Variants in JAZF1 observed in about 807,000 individuals in gnomAD.
The protein encoded by JAZF1 is juxtaposed with another zinc finger protein 1.
Under a neutral mutation model 26.4 loss-of-function variants are expected in JAZF1, and 8 were observed. The ratio of observed to expected loss-of-function variants is 0.30; its 90% confidence interval spans 0.18 to 0.55. The LOEUF (loss-of-function observed/expected upper bound fraction) is 0.55, where lower values mean the gene tolerates loss of function less well. Ranked by LOEUF, JAZF1 falls within the 20% of genes least tolerant of loss-of-function variation. JAZF1 has a pLI of 0.94. For missense variants in JAZF1, 199 were observed against 322.0 expected (o/e 0.62, Z 2.92); for synonymous variants, 126 against 122.3 (o/e 1.03, Z -0.20).
intron 1 of JAZF1, among the ~76,000 whole-genome samples, chr7:28,072,075 T>C (rs768895011): frequency 2.0e-5 from 3 of 152,234 alleles, no homozygotes; most frequent in Non-Finnish European, 2.9e-5. Flanking sequence ...GAAGAACTTC[T>C]GAGAAGACGA....
At position 27,898,973 on chromosome 7, in the gene JAZF1, CACAA is replaced by C. The variant is rs1229214573; in HGVS notation, c.189-3561_189-3558del. On this transcript the variant is annotated intron_variant, in intron 2 of 4. Transcript: ENST00000283928. ...CACACACACCCACACCACCCGCCCC[CACAA>C]ACACACACAGGAATGCCACACAAAC... Among the ~76,000 whole-genome samples, 14 of 152,272 alleles carry C rather than the reference CACAA, an allele frequency of 9.2e-5. No individual in the cohort carries two copies. In the South Asian group the frequency reaches 1.9e-3, roughly 20 times the overall value.
chr7:28,166,657 A>G (rs1390262434), intron 1 of JAZF1, among the ~76,000 whole-genome samples: 1 of 152,234 alleles, frequency 6.6e-6, no homozygotes, highest in African/African-American at 2.4e-5. Context: ...TCCGAAAGAG[A>G]AAACTATATT....
chr7:28,028,379 T>C (rs1783127684), intron 1 of JAZF1, among the ~76,000 whole-genome samples: 1 of 152,248 alleles, frequency 6.6e-6, no homozygotes, highest in Non-Finnish European at 1.5e-5. Flanking sequence ...ATGCTGTTGC[T>C]ATTTCCAAAA....
At chr7:28,003,573 C>CAATA (rs996708913) in intron 1 of JAZF1, among the ~76,000 whole-genome samples, 1 of 152,170 alleles carries the variant, frequency 6.6e-6, no homozygotes, top group Non-Finnish European at 1.5e-5. Flanking sequence ...TTCCATCACC[C>CAATA]AATACTACAT....
At chr7:27,973,551 G>A (rs1035978155) in intron 2 of JAZF1, among the ~76,000 whole-genome samples, 1 of 152,136 alleles carries the variant, frequency 6.6e-6, no homozygotes, top group Non-Finnish European at 1.5e-5. Context: ...CTCCTGCCTT[G>A]GCTTCCCAAA....
chr7:27,871,715 G>T (rs1458838247), intron 3 of JAZF1, among the ~76,000 whole-genome samples: 1 of 152,188 alleles, frequency 6.6e-6, no homozygotes, highest in Admixed American at 6.5e-5. Flanking sequence ...AAAAGTGAAG[G>T]TTTAGAAAAA....
intron 1 of JAZF1, among the ~76,000 whole-genome samples, chr7:28,132,916 G>C (rs1260273494): frequency 2.0e-5 from 3 of 152,080 alleles, no homozygotes; most frequent in Non-Finnish European, 4.4e-5. Context: ...TGCTGCAGTA[G>C]CAACACAAAT....
chr7:27,942,418 T>A (rs1784861833), intron 2 of JAZF1, among the ~76,000 whole-genome samples: 1 of 152,220 alleles, frequency 6.6e-6, no homozygotes, highest in Non-Finnish European at 1.5e-5. Context: ...GAGTCAAACA[T>A]TTTGCAACCT....
At position 27,830,732 on chromosome 7, in the gene JAZF1, AAATAT is replaced by A; in HGVS notation, c.*2063_*2067del. Reference sequence around the variant, plus strand: ...GCTCTGTCCCCAACAAAACATATGAAAATATAATTTAAAGCACAGTTTTCACAGAC... The same window carrying A: ...GCTCTGTCCCCAACAAAACATATGAAAATTTAAAGCACAGTTTTCACAGAC... On this transcript the variant is annotated 3_prime_UTR_variant, in exon 5 of 5. Transcript: ENST00000283928. 5.1e-6 allele frequency: 1 copy of A among 196,152 alleles called. No homozygotes were observed. Among genetic ancestry groups the A allele is most frequent in the East Asian group, 8.0e-5 (1 of 12,472 alleles). The allele number at this position is 196,152 out of a possible 1,614,324, so 12.2% of individuals were successfully genotyped here.
intron 3 of JAZF1, among the ~76,000 whole-genome samples, chr7:27,850,813 ATTT>A (rs111342674): frequency 1.4e-5 from 2 of 140,090 alleles, no homozygotes; most frequent in Non-Finnish European, 3.1e-5. Context: ...CTGAAGGACC[ATTT>A]TTTTTTTTTT....
intron 1 of JAZF1, among the ~76,000 whole-genome samples, chr7:28,176,239 CA>C (rs940984154): frequency 2.0e-5 from 3 of 152,202 alleles, no homozygotes; most frequent in Admixed American, 1.3e-4. Flanking sequence ...GTTTCAATAG[CA>C]AAGCTGAGGA....
intron 2 of JAZF1, among the ~76,000 whole-genome samples, chr7:27,901,527 C>CT (rs1784160091): frequency 6.6e-6 from 1 of 152,198 alleles, no homozygotes; most frequent in Admixed American, 6.5e-5. Context: ...ACACCTGAGT[C>CT]TAAGTGACCT....
chr7:28,037,109 C>T (rs191312637), intron 1 of JAZF1, among the ~76,000 whole-genome samples: 1 of 152,306 alleles, frequency 6.6e-6, no homozygotes, highest in East Asian at 1.9e-4. Context: ...ACTTGCTTAA[C>T]TGTCCACCTC....
intron 1 of JAZF1, among the ~76,000 whole-genome samples, chr7:27,994,872 A>C (rs1007795367): frequency 6.6e-6 from 1 of 152,132 alleles, no homozygotes; most frequent in African/African-American, 2.4e-5. Context: ...TGCCTTCAGT[A>C]TTTCTCCCTC....
At position 28,174,963 on chromosome 7, in the gene JAZF1, G is replaced by A. The variant is rs939261507; in HGVS notation, c.115+5500C>T. On this transcript the variant is annotated intron_variant, in intron 1 of 4. Coordinates refer to ENST00000283928, the MANE Select transcript of JAZF1 (RefSeq NM_175061.4). ...AGGGCACAGGCAGAGAGCAGGGCAG[G>A]CAGCAACAAGCCTTTCATTCATTCA... 4.2e-5 allele frequency among the ~76,000 whole-genome samples: 3 copies of A among 70,812 alleles called. 1 individual carries two copies. Among genetic ancestry groups the A allele is most frequent in the African/African-American group, 9.4e-5 (3 of 31,876 alleles). The allele number at this position is 70,812 out of a possible 152,430, so 46.5% of individuals were successfully genotyped here.
chr7:28,174,299 G>A (rs1441099732), intron 1 of JAZF1, among the ~76,000 whole-genome samples: 2 of 152,162 alleles, frequency 1.3e-5, no homozygotes, highest in Non-Finnish European at 2.9e-5. Flanking sequence ...GATTTTTAAG[G>A]AATTCAGAAA....
intron 1 of JAZF1, among the ~76,000 whole-genome samples, chr7:28,179,336 T>A (rs1418832186): frequency 6.6e-6 from 1 of 152,128 alleles, no homozygotes; most frequent in Non-Finnish European, 1.5e-5. Context: ...TGAAAATGTG[T>A]GCAATGACTT....
chr7:28,089,290 T>C (rs1207710831), intron 1 of JAZF1, among the ~76,000 whole-genome samples: 1 of 152,222 alleles, frequency 6.6e-6, no homozygotes, highest in Non-Finnish European at 1.5e-5. Context: ...TTCCTCTCTC[T>C]CTGCACTATT....
At chr7:27,941,606 G>A (rs1193426132) in intron 2 of JAZF1, among the ~76,000 whole-genome samples, 1 of 152,206 alleles carries the variant, frequency 6.6e-6, no homozygotes, top group African/African-American at 2.4e-5. Flanking sequence ...GCCTACCTTG[G>A]ATGCTGACTT....
Sources: gnomAD v4.1 joint callset for allele counts (sites outside exome capture counted in the v4.1 genomes callset) on GRCh38, gnomAD v4.1.1 for gene constraint, MANE v1.5 for transcripts, NCBI Gene and HGNC (gene_info 2026-07-23, HGNC 2026-07-21) for gene names.